SNTG1: variants seen among roughly 807,000 people sequenced by gnomAD.
SNTG1 encodes syntrophin gamma 1, also known as gamma-1-syntrophin.
In SNTG1, 39 loss-of-function variants were observed where a neutral mutation model predicts 74.7. The ratio of observed to expected loss-of-function variants is 0.52; its 90% CI spans 0.40 to 0.68. The LOEUF is 0.68. Ranked by LOEUF, SNTG1 falls within the 30% of genes least tolerant of loss-of-function variation. The probability of loss-of-function intolerance (pLI) is 0.00; values close to 1 mark genes in which losing one functional copy is unlikely to be tolerated. For missense variants in SNTG1, 685 were observed against 609.5 expected (o/e 1.12, Z -1.30); for synonymous variants, 254 against 217.1 (o/e 1.17, Z -1.49).
At chr8:50,207,135 G>A (rs187801324) in intron 2 of SNTG1, among the ~76,000 whole-genome samples, 3,487 of 152,242 alleles carry the variant, frequency 0.023, 129 homozygotes, top group African/African-American at 0.079. Flanking sequence ...AGTTTCAGAA[G>A]GAATGGTACC....
chr8:50,127,013 C>A (rs6472947), intron 1 of SNTG1, among the ~76,000 whole-genome samples: 13,736 of 152,028 alleles, frequency 0.09, 750 homozygotes, highest in African/African-American at 0.15. Context: ...AAGAACCTCC[C>A]CAGTCAGGGA....
chr8:50,140,563 AGT>A (rs919879856), intron 1 of SNTG1, among the ~76,000 whole-genome samples: 1 of 152,048 alleles, frequency 6.6e-6, no homozygotes, highest in Admixed American at 6.6e-5. Context: ...TGTTCATGTT[AGT>A]GTGTATGTGT....
chr8:50,192,681 T>A (rs919994251), intron 2 of SNTG1, among the ~76,000 whole-genome samples: 3 of 152,028 alleles, frequency 2.0e-5, no homozygotes, highest in Admixed American at 6.6e-5. Context: ...TTTTTTTTTT[T>A]AATTGCATTT....
chr8:50,540,218 A>T (rs557641198), intron 11 of SNTG1, among the ~76,000 whole-genome samples: 39 of 152,302 alleles, frequency 2.6e-4, no homozygotes, highest in South Asian at 1.7e-3. Flanking sequence ...CATGTATTTT[A>T]AAAAATTCAT....
intron 1 of SNTG1, among the ~76,000 whole-genome samples, chr8:50,021,417 T>C (rs76223694): frequency 0.032 from 4,880 of 152,278 alleles, 111 homozygotes; most frequent in Non-Finnish European, 0.048. Context: ...ATACCATATA[T>C]ATGGTCAATG....
At chr8:50,042,542 C>A (rs1818727815) in intron 1 of SNTG1, among the ~76,000 whole-genome samples, 1 of 152,006 alleles carries the variant, frequency 6.6e-6, no homozygotes, top group African/African-American at 2.4e-5. Flanking sequence ...GCCAGGGTGA[C>A]AGACAGAGAC....
intron 2 of SNTG1, among the ~76,000 whole-genome samples, chr8:50,238,027 T>C (rs958226332): frequency 2.0e-5 from 3 of 152,058 alleles, no homozygotes; most frequent in Non-Finnish European, 4.4e-5. Context: ...TGTTGAGCCA[T>C]ATGCATAGGA....
chr8:50,144,359 C>T (rs963872780), intron 1 of SNTG1, among the ~76,000 whole-genome samples: 23 of 152,172 alleles, frequency 1.5e-4, no homozygotes, highest in Admixed American at 1.4e-3. Flanking sequence ...ACAGAATAAC[C>T]TAAGGGTGAA....
chr8:50,779,887 A>T (rs1388062632), intron 18 of SNTG1, among the ~76,000 whole-genome samples: 1 of 148,156 alleles, frequency 6.7e-6, no homozygotes, highest in Non-Finnish European at 1.5e-5. Flanking sequence ...ATCAATACCT[A>T]ATTTATTGAG....
intron 15 of SNTG1, among the ~76,000 whole-genome samples, chr8:50,695,917 G>T (rs1451667639): frequency 6.6e-6 from 1 of 151,742 alleles, no homozygotes; most frequent in East Asian, 1.9e-4. Flanking sequence ...GAATAGTGCT[G>T]TGATAAACAT....
intron 1 of SNTG1, among the ~76,000 whole-genome samples, chr8:50,005,490 T>C (rs1815133557): frequency 6.6e-6 from 1 of 151,722 alleles, no homozygotes; most frequent in African/African-American, 2.4e-5. Context: ...AAATAATTGA[T>C]CATTTAGTTG....
intron 2 of SNTG1, among the ~76,000 whole-genome samples, chr8:50,283,011 A>T (rs2088564704): frequency 6.6e-6 from 1 of 152,214 alleles, no homozygotes; most frequent in African/African-American, 2.4e-5. Flanking sequence ...CAAATGGTAA[A>T]TGCTTCAACA....
rs113846235 is a variant in SNTG1, at chr8:50,289,595, C to T, written c.-27-104617C>T. ...AAAGAAATATTACAGAATCCTGAGC[C>T]GTTTCCACAAATGTAGAAGCTAGAA... On this transcript the variant is annotated intron_variant, in intron 2 of 18. Coordinates refer to ENST00000642720, the MANE Select transcript of SNTG1 (RefSeq NM_018967.5). Among the ~76,000 whole-genome samples the T allele has an allele frequency of 2.5e-3, 383 of 152,266 alleles. 1 individual carries two copies. Among genetic ancestry groups the T allele is most frequent in the Non-Finnish European group, 3.8e-3 (258 of 68,026 alleles).
chr8:50,543,982 A>G (rs1332209235), intron 11 of SNTG1, among the ~76,000 whole-genome samples: 2 of 151,926 alleles, frequency 1.3e-5, no homozygotes, highest in African/African-American at 2.4e-5. Flanking sequence ...TCTTCGGTGA[A>G]GTGTCTGTTT....
At chr8:50,587,936 C>A (rs1253166983) in intron 12 of SNTG1, among the ~76,000 whole-genome samples, 1 of 151,516 alleles carries the variant, frequency 6.6e-6, no homozygotes, top group Admixed American at 6.6e-5. Flanking sequence ...ATGGTGAAAC[C>A]CTATCTCTAC....
intron 12 of SNTG1, among the ~76,000 whole-genome samples, chr8:50,553,585 A>G (rs956139894): frequency 1.3e-5 from 2 of 152,188 alleles, no homozygotes; most frequent in Admixed American, 1.3e-4. Context: ...GAGTTAGCAT[A>G]GAGACTGAAG....
At chr8:50,387,632 C>A (rs2092595738) in intron 2 of SNTG1, among the ~76,000 whole-genome samples, 1 of 152,090 alleles carries the variant, frequency 6.6e-6, no homozygotes, top group South Asian at 2.1e-4. Context: ...AATTTATGTG[C>A]CTTCCAACAT....
chr8:50,482,574 G>C (rs1036229997), intron 8 of SNTG1, among the ~76,000 whole-genome samples: 18 of 152,152 alleles, frequency 1.2e-4, no homozygotes, highest in African/African-American at 4.3e-4. Context: ...TTCAATCTTA[G>C]GTCTGAAGTA....
chr8:50,163,367 C>G (rs1487998177), intron 1 of SNTG1: 1 of 151,328 alleles, frequency 6.6e-6, no homozygotes, highest in Non-Finnish European at 1.5e-5. Context: ...TCCGAGTATT[C>G]CAAAATATAA....
Sources: gnomAD v4.1 joint callset for allele counts (sites outside exome capture counted in the v4.1 genomes callset) on GRCh38, gnomAD v4.1.1 for gene constraint, MANE v1.5 for transcripts, NCBI Gene and HGNC (gene_info 2026-07-23, HGNC 2026-07-21) for gene names.